KCNT2: variants seen among roughly 807,000 people sequenced by gnomAD.
The protein encoded by KCNT2 is potassium channel subfamily T member 2.
In KCNT2, 67 loss-of-function variants were observed where a neutral mutation model predicts 153.8. The observed-to-expected ratio is 0.44, with a 90% confidence interval of 0.36 to 0.53. The LOEUF (loss-of-function observed/expected upper bound fraction) is 0.53. Among genes scored for constraint, KCNT2 ranks in the 20% least tolerant of loss-of-function variants. The pLI, the probability that KCNT2 is intolerant of heterozygous loss-of-function variation, is 0.00. For synonymous variants in KCNT2, 500 were observed against 458.8 expected, an observed-to-expected ratio of 1.09 and a Z score of -1.15; for missense variants, 975 against 1,354.8, an observed-to-expected ratio of 0.72 and a Z score of 4.40.
At chr1:196,520,837 T>C (rs1478320397) in intron 1 of KCNT2, among the ~76,000 whole-genome samples, 1 of 152,082 alleles carries the variant, frequency 6.6e-6, no homozygotes, top group Non-Finnish European at 1.5e-5. Flanking sequence ...CCCAAAACTA[T>C]AAAAGCCCTG....
At chr1:196,282,841 C>CTATTTATT (rs978441943) in intron 23 of KCNT2, among the ~76,000 whole-genome samples, 1 of 151,872 alleles carries the variant, frequency 6.6e-6, no homozygotes, top group African/African-American at 2.4e-5. Flanking sequence ...ATAGGGCCTT[C>CTATTTATT]TATTTATTTA....
chr1:196,235,317 A>G (rs1431047010), intron 27 of KCNT2, among the ~76,000 whole-genome samples: 4 of 151,352 alleles, frequency 2.6e-5, no homozygotes, highest in Non-Finnish European at 5.9e-5. Context: ...TAAGTCTTAC[A>G]TTCTTTATAA....
chr1:196,456,231 T>C (rs1243687459), intron 8 of KCNT2, among the ~76,000 whole-genome samples: 1 of 151,978 alleles, frequency 6.6e-6, no homozygotes, highest in African/African-American at 2.4e-5. Flanking sequence ...TGCCAAGTTT[T>C]CATGTTTTTT....
intron 1 of KCNT2, among the ~76,000 whole-genome samples, chr1:196,528,198 G>T (rs1033123907): frequency 6.6e-6 from 1 of 152,166 alleles, no homozygotes; most frequent in African/African-American, 2.4e-5. Flanking sequence ...ACAGAAAGAT[G>T]AATCATTTTG....
At chr1:196,463,138 CA>C (rs964374399) in intron 8 of KCNT2, among the ~76,000 whole-genome samples, 4 of 151,758 alleles carry the variant, frequency 2.6e-5, no homozygotes, top group Non-Finnish European at 5.9e-5. Context: ...CAGTCTTAGA[CA>C]GACTACCTAG....
At chr1:196,529,394 C>G (rs1654653024) in intron 1 of KCNT2, among the ~76,000 whole-genome samples, 2 of 152,072 alleles carry the variant, frequency 1.3e-5, no homozygotes, top group South Asian at 4.1e-4. Flanking sequence ...CCCTACAGTA[C>G]CTTTTTCTTG....
intron 18 of KCNT2, among the ~76,000 whole-genome samples, chr1:196,328,871 G>A (rs549324303): frequency 6.6e-6 from 1 of 152,088 alleles, no homozygotes; most frequent in East Asian, 1.9e-4. Context: ...ACAAACAAGG[G>A]CAACAAGTCT....
chr1:196,293,467 T>C (rs12120782), intron 22 of KCNT2, among the ~76,000 whole-genome samples: 1,777 of 152,164 alleles, frequency 0.012, 35 homozygotes, highest in African/African-American at 0.041. Context: ...GATTGACCAA[T>C]AGAACAGGAT....
At chr1:196,412,048 G>A (rs1012385387) in intron 12 of KCNT2, among the ~76,000 whole-genome samples, 5 of 151,602 alleles carry the variant, frequency 3.3e-5, no homozygotes, top group African/African-American at 1.2e-4. Context: ...AATGATGTAC[G>A]AGCTCTCTAA....
At chr1:196,532,695 C>T (rs80096890) in intron 1 of KCNT2, among the ~76,000 whole-genome samples, 8,766 of 152,014 alleles carry the variant, frequency 0.058, 396 homozygotes, top group Non-Finnish European at 0.085. Context: ...TTCTCTGTTG[C>T]TGAGCCAAAA....
intron 26 of KCNT2, among the ~76,000 whole-genome samples, chr1:196,240,066 AC>A (rs1394173426): frequency 1.3e-5 from 2 of 151,960 alleles, no homozygotes. Flanking sequence ...TAGTGTTTAA[AC>A]CATGCACTCT....
At chr1:196,513,151 C>T (rs530531676) in intron 1 of KCNT2, among the ~76,000 whole-genome samples, 2 of 152,306 alleles carry the variant, frequency 1.3e-5, no homozygotes, top group South Asian at 4.1e-4. Flanking sequence ...TTTGTCATCA[C>T]AGAGCTTCTT....
intron 12 of KCNT2, among the ~76,000 whole-genome samples, chr1:196,412,399 T>C (rs1030666823): frequency 2.6e-5 from 4 of 151,722 alleles, no homozygotes; most frequent in African/African-American, 9.7e-5. Context: ...ATAAATATTT[T>C]TTGAATGAAT....
intron 20 of KCNT2, 23 bp downstream of exon 20, chr1:196,319,461 G>A (rs747185099): frequency 3.2e-6 from 5 of 1,572,684 alleles, no homozygotes; most frequent in Non-Finnish European, 4.4e-6. Context: ...ACTAGTTAGT[G>A]TGCCAAAGAT....
intron 1 of KCNT2, among the ~76,000 whole-genome samples, chr1:196,583,550 A>C (rs1662309912): frequency 6.6e-6 from 1 of 152,096 alleles, no homozygotes; most frequent in Admixed American, 6.6e-5. Flanking sequence ...AAAAGAGCAA[A>C]GAACCAAGGA....
chr1:196,255,118 T>A (rs765681077), intron 26 of KCNT2, among the ~76,000 whole-genome samples: 13 of 151,636 alleles, frequency 8.6e-5, no homozygotes, highest in Non-Finnish European at 1.8e-4. Context: ...CAAAGAGCAA[T>A]GTTCGTGAGC....
chr1:196,440,563 G>A (rs1473463119), intron 8 of KCNT2, among the ~76,000 whole-genome samples: 1 of 151,910 alleles, frequency 6.6e-6, no homozygotes, highest in Non-Finnish European at 1.5e-5. Context: ...TTTGTGCTTT[G>A]TCTTAGTAAT....
intron 1 of KCNT2, among the ~76,000 whole-genome samples, chr1:196,501,534 T>C (rs115925547): frequency 0.019 from 2,955 of 152,216 alleles, 34 homozygotes; most frequent in Middle Eastern, 0.034. Flanking sequence ...AAGTGGGAGC[T>C]AAACAATGGG....
At chr1:196,445,284 A>G (rs1264726943) in intron 8 of KCNT2, among the ~76,000 whole-genome samples, 1 of 151,460 alleles carries the variant, frequency 6.6e-6, no homozygotes, top group African/African-American at 2.4e-5. Flanking sequence ...CCAAATAAAT[A>G]TCAGCTAATT....
Sources: gnomAD v4.1 joint callset for allele counts (sites outside exome capture counted in the v4.1 genomes callset) on GRCh38, gnomAD v4.1.1 for gene constraint, MANE v1.5 for transcripts, NCBI Gene and HGNC (gene_info 2026-07-23, HGNC 2026-07-21) for gene names.